Variants in CD247 observed in about 807,000 individuals in gnomAD.
CD247 encodes CD247 molecule.
Under a neutral mutation model 30.0 loss-of-function variants are expected in CD247, and 13 were observed. The ratio of observed to expected loss-of-function variants is 0.43; its 90% CI spans 0.28 to 0.69. CD247 has a LOEUF of 0.69. Among genes scored for constraint, CD247 ranks in the 30% least tolerant of loss-of-function variants. The pLI, the probability that CD247 is intolerant of heterozygous loss-of-function variation, is 0.16. For synonymous variants in CD247, 72 were observed against 80.0 expected (o/e 0.90, Z 0.53); for missense variants, 193 against 212.6 (o/e 0.91, Z 0.57).
At chr1:167,458,085 T>C (rs975445005) in intron 1 of CD247, among the ~76,000 whole-genome samples, 3 of 152,216 alleles carry the variant, frequency 2.0e-5, no homozygotes, top group African/African-American at 7.2e-5. Context: ...CTTAGGGAAG[T>C]TGCTTCACCC....
intron 1 of CD247, among the ~76,000 whole-genome samples, chr1:167,461,343 T>A (rs573997113): frequency 6.6e-6 from 1 of 152,262 alleles, no homozygotes; most frequent in East Asian, 1.9e-4. Flanking sequence ...ACTCTAGAGC[T>A]ATTTCTACTT....
intron 7 of CD247, among the ~76,000 whole-genome samples, chr1:167,432,531 A>G (rs764330568): frequency 5.4e-4 from 82 of 152,228 alleles, no homozygotes; most frequent in Non-Finnish European, 9.7e-4. Context: ...CTTAGTTTGC[A>G]TAATTGCCTG....
chr1:167,505,443 G>T (rs755526323), intron 1 of CD247, among the ~76,000 whole-genome samples: 3 of 152,246 alleles, frequency 2.0e-5, no homozygotes, highest in Non-Finnish European at 4.4e-5. Flanking sequence ...GCATGTATGT[G>T]TGTGTCTATA....
intron 1 of CD247, among the ~76,000 whole-genome samples, chr1:167,491,651 T>C (rs2102079555): frequency 6.6e-6 from 1 of 152,310 alleles, no homozygotes. Context: ...GCAGGGTCTT[T>C]AAGAGATATT....
chr1:167,440,664 C>T lies in CD247; in HGVS notation c.162G>A (p.Lys54=). 6.2e-7 allele frequency: 1 copy of T among 1,606,036 alleles called. No individual in the cohort carries two copies. The highest frequency in any genetic ancestry group is 8.5e-7 in the Non-Finnish European group (1 of 1,172,878). ...CCTCCCAAAGCCCAGTGGTACCCAC[C>T]TTCACTCTCAGGAACAAGGCAGTGA... ...VILTALFLRV[K]FSRSADAPAY... Residue 54 remains lysine, a splice_region_variant and synonymous_variant, in exon 2 of 8, where the codon AAG becomes AAA. Coordinates refer to ENST00000362089, the MANE Select transcript of CD247 (RefSeq NM_198053.3).
intron 1 of CD247, among the ~76,000 whole-genome samples, chr1:167,461,935 A>G (rs1653036998): frequency 6.6e-6 from 1 of 152,246 alleles, no homozygotes; most frequent in Non-Finnish European, 1.5e-5. Flanking sequence ...ACTTTAGGTC[A>G]ATGAATATCT....
At chr1:167,448,092 C>T (rs1233417808) in intron 1 of CD247, among the ~76,000 whole-genome samples, 1 of 152,150 alleles carries the variant, frequency 6.6e-6, no homozygotes, top group African/African-American at 2.4e-5. Flanking sequence ...GAATAACTAA[C>T]TTTCACTGCA....
intron 1 of CD247, among the ~76,000 whole-genome samples, chr1:167,455,063 C>T (rs967335699): frequency 1.3e-5 from 2 of 152,236 alleles, no homozygotes; most frequent in African/African-American, 4.8e-5. Flanking sequence ...CTGGGCTCCT[C>T]CCGCTGCGGG....
At position 167,494,326 on chromosome 1, in the gene CD247, C is replaced by T. The variant is rs867037198; in HGVS notation, c.58+24082G>A. On this transcript the variant is annotated intron_variant, in intron 1 of 7. Transcript: ENST00000362089. The surrounding 1 kb of genome is among the most constrained non-coding windows in gnomAD (Gnocchi z 7.3). Reference sequence around the variant, plus strand: ...TTGTTTAATCTTTTCTGAAAGAGTCCGATGTTATCTAAGTGAGGACTGGCC... The same window carrying T: ...TTGTTTAATCTTTTCTGAAAGAGTCTGATGTTATCTAAGTGAGGACTGGCC... 6.6e-5 allele frequency among the ~76,000 whole-genome samples: 10 copies of T among 152,214 alleles called. No homozygotes were observed. Among genetic ancestry groups the T allele is most frequent in the East Asian group, 3.9e-4 (2 of 5,182 alleles).
intron 1 of CD247, among the ~76,000 whole-genome samples, chr1:167,471,473 C>CA (rs903664073): frequency 1.7e-4 from 26 of 152,106 alleles, no homozygotes; most frequent in Non-Finnish European, 8.8e-5. Flanking sequence ...ACCCAGTAAG[C>CA]AAAAATAGTC....
chr1:167,496,164 G>C (rs1654682371), intron 1 of CD247, among the ~76,000 whole-genome samples: 1 of 152,322 alleles, frequency 6.6e-6, no homozygotes, highest in East Asian at 1.9e-4. Context: ...AGTGGTGTTT[G>C]TGTGTTTGTT....
chr1:167,516,874 T>C (rs1041756785), intron 1 of CD247, among the ~76,000 whole-genome samples: 1 of 152,054 alleles, frequency 6.6e-6, no homozygotes, highest in Non-Finnish European at 1.5e-5. Context: ...AATCTTTCAT[T>C]TTTCTTTCTA....
intron 1 of CD247, among the ~76,000 whole-genome samples, chr1:167,480,706 G>A (rs1653939620): frequency 1.3e-5 from 2 of 152,188 alleles, no homozygotes. Flanking sequence ...TAAATCAAAT[G>A]TGAAGATAAA....
At chr1:167,497,062 G>A (rs1009593647) in intron 1 of CD247, among the ~76,000 whole-genome samples, 2 of 152,176 alleles carry the variant, frequency 1.3e-5, no homozygotes, top group African/African-American at 2.4e-5. Context: ...TTCATAATGC[G>A]TCCAAACATG....
chr1:167,509,386 A>AG (rs1473921355), intron 1 of CD247, among the ~76,000 whole-genome samples: 7 of 150,910 alleles, frequency 4.6e-5, no homozygotes, highest in African/African-American at 9.8e-5. Flanking sequence ...AAAAAAAAAA[A>AG]AAAAGAAAAG....
intron 4 of CD247, 55 bp downstream of exon 4, chr1:167,438,515 G>C: frequency 7.1e-7 from 1 of 1,403,244 alleles, no homozygotes; most frequent in Non-Finnish European, 1.0e-6. Context: ...CCCACAGCCT[G>C]GGCTGAGCCC....
chr1:167,476,149 A>T (rs1653735821), intron 1 of CD247, among the ~76,000 whole-genome samples: 1 of 152,242 alleles, frequency 6.6e-6, no homozygotes, highest in African/African-American at 2.4e-5. Context: ...GAAGAAAAGC[A>T]GTTGGTGAGA....
rs371234473 is a variant in CD247, at chr1:167,467,060, G to C, written c.59-26293C>G. Among the ~76,000 whole-genome samples, 685 of 152,084 alleles carry C rather than the reference G, an allele frequency of 4.5e-3. 6 individuals carry two copies. Among genetic ancestry groups the C allele is most frequent in the African/African-American group, 0.016 (663 of 41,480 alleles). ...TTCACGTGTTAGCCAGGATGGTCTC[G>C]ATTTCCTGACCTCGTGATCCGCCCG... On this transcript the variant is annotated intron_variant, in intron 1 of 7. Coordinates refer to ENST00000362089, the MANE Select transcript of CD247 (RefSeq NM_198053.3).
intron 1 of CD247, among the ~76,000 whole-genome samples, chr1:167,506,225 CTTTTCTTTTCTTTTCT>C (rs1655108067): frequency 1.7e-4 from 10 of 59,924 alleles, no homozygotes; most frequent in Admixed American, 1.4e-3. Flanking sequence ...TTTCTTTTTT[CTTTTCTTTTCTTTTCT>C]TTTCCTTTTC....
Sources: allele counts gnomAD v4.1 joint callset (sites outside exome capture counted in the v4.1 genomes callset), GRCh38; gene constraint gnomAD v4.1.1; non-coding constraint Gnocchi (gnomAD v3.1); transcripts MANE v1.5; gene names NCBI Gene and HGNC (gene_info 2026-07-23, HGNC 2026-07-21).